The following CTNNA2 variants were observed in gnomAD, a reference collection of about 807,000 sequenced individuals.
CTNNA2 encodes catenin alpha-2.
CTNNA2 carries 42 observed loss-of-function variants against 101.0 expected under a neutral mutation model. The observed-to-expected ratio is 0.42, with a 90% CI of 0.32 to 0.54. The LOEUF is 0.54. Among genes scored for constraint, CTNNA2 ranks in the 20% least tolerant of loss-of-function variants. CTNNA2 has a pLI of 0.14. For missense variants in CTNNA2, 871 were observed against 1,223.1 expected (o/e 0.71, Z 4.29); for synonymous variants, 450 against 456.4 (o/e 0.99, Z 0.18).
intron 7 of CTNNA2, among the ~76,000 whole-genome samples, chr2:80,002,571 AG>A (rs1483090833): frequency 2.0e-5 from 3 of 151,996 alleles, no homozygotes; most frequent in Non-Finnish European, 4.4e-5. Context: ...AAGGAGAGGG[AG>A]GGGGCAGGGA....
intron 1 of CTNNA2, among the ~76,000 whole-genome samples, chr2:79,584,508 C>T (rs910270899): frequency 4.6e-5 from 7 of 150,690 alleles, no homozygotes; most frequent in Non-Finnish European, 1.0e-4. Context: ...AATGTAGAAG[C>T]AGGTAGATTT....
chr2:79,400,295 T>C (rs1678276067), intron 4 of CTNNA2, among the ~76,000 whole-genome samples: 1 of 152,032 alleles, frequency 6.6e-6, no homozygotes. Context: ...GTAGCTTTTT[T>C]ATCTTAGTAG....
chr2:79,465,878 T>C (rs426508), intron 4 of CTNNA2, among the ~76,000 whole-genome samples: 1 of 152,018 alleles, frequency 6.6e-6, no homozygotes, highest in Non-Finnish European at 1.5e-5. Flanking sequence ...AAGGAGATTT[T>C]GGGCTGAGAC....
intron 2 of CTNNA2, among the ~76,000 whole-genome samples, chr2:79,693,496 G>C (rs1684457003): frequency 6.6e-6 from 1 of 151,914 alleles, no homozygotes; most frequent in Non-Finnish European, 1.5e-5. Flanking sequence ...ACAAGCATCA[G>C]TGAATACAGT....
At chr2:79,262,208 G>C (rs1380988338) in intron 2 of CTNNA2, among the ~76,000 whole-genome samples, 8 of 152,024 alleles carry the variant, frequency 5.3e-5, no homozygotes, top group African/African-American at 1.9e-4. Flanking sequence ...CCCTTAGAAA[G>C]GTACTCCTAT....
chr2:79,727,106 T>G (rs142317594), intron 2 of CTNNA2, among the ~76,000 whole-genome samples: 73 of 152,346 alleles, frequency 4.8e-4, no homozygotes, highest in Admixed American at 2.2e-3. Flanking sequence ...GCTAAAAATA[T>G]GACTTTAATT....
chr2:79,865,138 G>A (rs960488769), intron 4 of CTNNA2, among the ~76,000 whole-genome samples: 2 of 152,054 alleles, frequency 1.3e-5, no homozygotes, highest in African/African-American at 4.8e-5. Flanking sequence ...AATGACACTA[G>A]CATGTAATCA....
intron 7 of CTNNA2, among the ~76,000 whole-genome samples, chr2:80,376,178 T>G (rs554751810): frequency 6.6e-6 from 1 of 152,300 alleles, no homozygotes; most frequent in Non-Finnish European, 1.5e-5. Context: ...GTCATACATA[T>G]GTCTAATTCC....
At chr2:80,074,166 G>A (rs1374076940) in intron 7 of CTNNA2, among the ~76,000 whole-genome samples, 14 of 151,962 alleles carry the variant, frequency 9.2e-5, no homozygotes, top group Admixed American at 9.2e-4. Context: ...TATTTATTTA[G>A]CAACATGATG....
intron 7 of CTNNA2, among the ~76,000 whole-genome samples, chr2:80,217,483 C>T (rs570820914): frequency 6.6e-6 from 1 of 152,024 alleles, no homozygotes; most frequent in Non-Finnish European, 1.5e-5. Context: ...CACAGAGAAC[C>T]TAAAAATTAA....
chr2:79,902,410 A>T (rs1276608975), intron 6 of CTNNA2, among the ~76,000 whole-genome samples: 1 of 151,946 alleles, frequency 6.6e-6, no homozygotes, highest in Non-Finnish European at 1.5e-5. Flanking sequence ...ATTTCTTGTT[A>T]TTGGATATTA....
intron 4 of CTNNA2, among the ~76,000 whole-genome samples, chr2:79,412,935 A>C (rs941684133): frequency 1.3e-5 from 2 of 152,108 alleles, no homozygotes; most frequent in African/African-American, 4.8e-5. Flanking sequence ...CCACTCTTTT[A>C]GTAAATTTTA....
At chr2:79,391,105 T>G (rs6751052) in intron 4 of CTNNA2, among the ~76,000 whole-genome samples, 66,912 of 151,902 alleles carry the variant, frequency 0.44, 16,588 homozygotes, top group African/African-American at 0.68. Context: ...TCCTCCGGAT[T>G]CTGCAAAAGG....
chr2:79,260,330 C>T (rs1488218114), intron 2 of CTNNA2, among the ~76,000 whole-genome samples: 1 of 152,180 alleles, frequency 6.6e-6, no homozygotes, highest in East Asian at 1.9e-4. Context: ...GACCACAACA[C>T]ATGAGCATTT....
At chr2:80,504,961 C>T (rs903404724) in intron 9 of CTNNA2, among the ~76,000 whole-genome samples, 3 of 152,176 alleles carry the variant, frequency 2.0e-5, no homozygotes, top group Non-Finnish European at 2.9e-5. Context: ...CGATGAACTG[C>T]AGGTGCTGGC....
intron 7 of CTNNA2, chr2:80,162,558 C>A: frequency 6.2e-7 from 1 of 1,608,738 alleles, no homozygotes; most frequent in East Asian, 2.2e-5. Flanking sequence ...TCATCTCTTT[C>A]CTCTGTAATG....
At chr2:79,687,649 G>A (rs1684024840) in intron 2 of CTNNA2, 2 of 656,992 alleles carry the variant, frequency 3.0e-6, no homozygotes, top group South Asian at 3.5e-5. Context: ...GATACCTGTT[G>A]AATTGGGTAA....
intron 7 of CTNNA2, among the ~76,000 whole-genome samples, chr2:80,096,034 G>A (rs1175303348): frequency 6.6e-6 from 1 of 151,590 alleles, no homozygotes; most frequent in Non-Finnish European, 1.5e-5. Context: ...GTTATTTCTT[G>A]CCTTCTGCTA....
chr2:80,075,275 C>A (rs542248665), intron 7 of CTNNA2, among the ~76,000 whole-genome samples: 21 of 152,148 alleles, frequency 1.4e-4, no homozygotes, highest in African/African-American at 5.1e-4. Context: ...GGCAAAGTGG[C>A]TTTTGATATA....
Sources: allele counts gnomAD v4.1 joint callset (sites outside exome capture counted in the v4.1 genomes callset), GRCh38; gene constraint gnomAD v4.1.1; transcripts MANE v1.5; gene names NCBI Gene and HGNC (gene_info 2026-07-23, HGNC 2026-07-21).